PTBP3: variants seen among roughly 807,000 people sequenced by gnomAD.
PTBP3 encodes polypyrimidine tract-binding protein 3.
In PTBP3, 20 loss-of-function variants were observed where a neutral mutation model predicts 58.7. That is an observed-to-expected ratio of 0.34 (90% CI 0.24 to 0.50). The LOEUF is 0.50. Among genes scored for constraint, PTBP3 ranks in the 20% least tolerant of loss-of-function variants. PTBP3 has a pLI of 0.98. For synonymous variants in PTBP3, 185 were observed against 219.8 expected, an observed-to-expected ratio of 0.84 and a Z score of 1.40; for missense variants, 509 against 637.2, an observed-to-expected ratio of 0.80 and a Z score of 2.17.
intron 1 of PTBP3, chr9:112,333,118 A>C: frequency 8.0e-7 from 1 of 1,254,820 alleles, no homozygotes; most frequent in Non-Finnish European, 1.0e-6. Context: ...TCTGAGAGGA[A>C]GTGTCGGGAG....
rs1827183037 is a variant in PTBP3 at position 112,268,138 on chromosome 9, G to C, written c.262C>G (p.Pro88Ala). Residue 88 changes from proline (P) to alanine (A), a missense_variant, in exon 4 of 14, where the codon CCT becomes GCT. Pro to Ala is a conservative substitution (Grantham distance 27). Coordinates refer to ENST00000374257, the MANE Select transcript of PTBP3 (RefSeq NM_001163788.4). Reference protein sequence around the residue: ...AAVTMVNYYTPITPHLRSQPV... With the variant: ...AAVTMVNYYTAITPHLRSQPV... ...TGGCTTCGAAGGTGAGGAGTAATAGGAGTGTAATAATTCACCATAGTAACG... is the reference window on the plus strand; with the variant it reads ...TGGCTTCGAAGGTGAGGAGTAATAGCAGTGTAATAATTCACCATAGTAACG... 6.2e-7 allele frequency: 1 copy of C among 1,613,744 alleles called. No individual in the cohort carries two copies. Among genetic ancestry groups the C allele is most frequent in the African/African-American group, 1.3e-5 (1 of 75,030 alleles).
At chr9:112,245,825 A>G (rs1300327282) in intron 7 of PTBP3, among the ~76,000 whole-genome samples, 2 of 152,174 alleles carry the variant, frequency 1.3e-5, no homozygotes, top group African/African-American at 4.8e-5. Context: ...ATTTGAACAT[A>G]AAATGAAAAA....
chr9:112,298,000 T>C (rs891820882), intron 1 of PTBP3, 84 bp from the exon 2 acceptor site: 21 of 1,102,834 alleles, frequency 1.9e-5, no homozygotes, highest in Non-Finnish European at 2.4e-5. Flanking sequence ...AAGCTAATAA[T>C]ATTACTTCAT....
At chr9:112,246,210 C>T (rs185625308) in intron 7 of PTBP3, among the ~76,000 whole-genome samples, 4 of 151,536 alleles carry the variant, frequency 2.6e-5, no homozygotes, top group East Asian at 2.0e-4. Context: ...CTTGAACTCC[C>T]GACCTCAATT....
the PTBP3 span, among the ~76,000 whole-genome samples, chr9:112,348,570 C>T: frequency 6.6e-6 from 1 of 152,194 alleles, no homozygotes; most frequent in East Asian, 1.9e-4. Context: ...CAGCCCACTC[C>T]GAAGGAAGAA....
chr9:112,263,307 T>C (rs1483176087), intron 4 of PTBP3, among the ~76,000 whole-genome samples: 1 of 152,160 alleles, frequency 6.6e-6, no homozygotes, highest in East Asian at 1.9e-4. Flanking sequence ...GAACAGTGTA[T>C]TTACATAGTC....
Position 112,261,844 on chromosome 9 carries a change from T to C in PTBP3, c.516+591A>G, listed in dbSNP as rs149503809. On this transcript the variant is annotated intron_variant, in intron 5 of 13. Coordinates refer to ENST00000374257, the MANE Select transcript of PTBP3 (RefSeq NM_001163788.4). ...TACGCTCTACAATATTCTATACTTA[T>C]CAATTATTTGGGTTTTGGATTTATT... Among the ~76,000 whole-genome samples the C allele has an allele frequency of 1.1e-3, 162 of 152,336 alleles. 1 individual carries two copies. The highest frequency in any genetic ancestry group is 4.8e-3 in the South Asian group (23 of 4,828).
intron 1 of PTBP3, among the ~76,000 whole-genome samples, chr9:112,307,845 C>T (rs372313393): frequency 1.3e-5 from 2 of 152,192 alleles, no homozygotes; most frequent in African/African-American, 4.8e-5. Context: ...TTTAAACCAA[C>T]CTTGTCCAAC....
At chr9:112,280,516 C>T (rs1305935590) in intron 2 of PTBP3, among the ~76,000 whole-genome samples, 1 of 152,166 alleles carries the variant, frequency 6.6e-6, no homozygotes, top group Non-Finnish European at 1.5e-5. Flanking sequence ...TAATGCTAAG[C>T]TGTAGTTTCA....
At chr9:112,225,912 C>A (rs1834971012) in intron 12 of PTBP3, among the ~76,000 whole-genome samples, 1 of 152,036 alleles carries the variant, frequency 6.6e-6, no homozygotes, top group South Asian at 2.1e-4. Flanking sequence ...GCTGGGCATG[C>A]CGACACCTGT....
chr9:112,379,160 AGC>A, the PTBP3 span, among the ~76,000 whole-genome samples: 1 of 152,232 alleles, frequency 6.6e-6, no homozygotes, highest in Non-Finnish European at 1.5e-5. Flanking sequence ...ACTGCACTTC[AGC>A]GTGGGCGACA....
At chr9:112,350,444 T>G in the PTBP3 span, among the ~76,000 whole-genome samples, 1 of 152,222 alleles carries the variant, frequency 6.6e-6, no homozygotes, top group Non-Finnish European at 1.5e-5. Context: ...CAGAGCATTC[T>G]TCCACGCCCA....
chr9:112,331,068 CTT>C (rs373398743), intron 1 of PTBP3, among the ~76,000 whole-genome samples: 115 of 144,836 alleles, frequency 7.9e-4, no homozygotes, highest in African/African-American at 2.6e-3. Flanking sequence ...TAAATTATCT[CTT>C]AGGAGGAAAC....
chr9:112,243,810 T>C (rs1015500968), intron 7 of PTBP3, among the ~76,000 whole-genome samples: 1 of 152,210 alleles, frequency 6.6e-6, no homozygotes, highest in Non-Finnish European at 1.5e-5. Context: ...TTCATGTACA[T>C]GAGCACATTT....
At chr9:112,254,871 T>C (rs776714630) in intron 5 of PTBP3, among the ~76,000 whole-genome samples, 3 of 152,096 alleles carry the variant, frequency 2.0e-5, no homozygotes, top group African/African-American at 7.2e-5. Flanking sequence ...TTTCTAGGTA[T>C]ATAGCCAAAA....
In PTBP3 at chr9:112,275,977, C is replaced by CT; in HGVS notation, c.70dup (p.Arg24LysfsTer18). On this transcript the variant is annotated frameshift_variant, in exon 3 of 14. Coordinates refer to ENST00000374257, the MANE Select transcript of PTBP3 (RefSeq NM_001163788.4). LOFTEE classifies it high-confidence loss of function. The stretch of plus-strand genomic sequence containing the variant: ...AACACGGGAAGGCGAACAGGGAGGT[C>CT]TATCTCGTTTAAATTTCTTGCTGTC... The CT allele has an allele frequency of 6.2e-7, 1 of 1,613,434 alleles. No homozygotes were observed. Among genetic ancestry groups the CT allele is most frequent in the Non-Finnish European group, 8.5e-7 (1 of 1,179,574 alleles).
intron 10 of PTBP3, among the ~76,000 whole-genome samples, chr9:112,229,005 G>A (rs1387540588): frequency 6.6e-6 from 1 of 152,102 alleles, no homozygotes; most frequent in Non-Finnish European, 1.5e-5. Context: ...CTACCCTAGT[G>A]TTCCCCAAAG....
In PTBP3 at chr9:112,222,049, C is replaced by T. The variant is rs1398986158; in HGVS notation, c.*1802G>A. 3.1e-6 allele frequency: 3 copies of T among 961,688 alleles called. No individual in the cohort carries two copies. The African/African-American group carries it at 5.3e-5, about 17-fold the overall frequency. The allele number at this position is 961,688 out of a possible 1,614,324, so 59.6% of individuals were successfully genotyped here. ...CTGCCTGTAGCCTCCTGCCTACAGGCTCAGCCTGTAGCTGGGACTACAGGC... is the reference window on the plus strand; with the variant it reads ...CTGCCTGTAGCCTCCTGCCTACAGGTTCAGCCTGTAGCTGGGACTACAGGC... On this transcript the variant is annotated 3_prime_UTR_variant, in exon 14 of 14. Coordinates refer to ENST00000374257, the MANE Select transcript of PTBP3 (RefSeq NM_001163788.4).
intron 3 of PTBP3, among the ~76,000 whole-genome samples, chr9:112,270,772 CA>C (rs1827350222): frequency 6.6e-6 from 1 of 152,160 alleles, no homozygotes; most frequent in Non-Finnish European, 1.5e-5. Flanking sequence ...GCCCCCAACT[CA>C]GACTCACATG....
Sources: allele counts gnomAD v4.1 joint callset (sites outside exome capture counted in the v4.1 genomes callset), GRCh38; gene constraint gnomAD v4.1.1; transcripts MANE v1.5; gene names NCBI Gene and HGNC (gene_info 2026-07-23, HGNC 2026-07-21).